IYD: variants seen among roughly 807,000 people sequenced by gnomAD.
The protein encoded by IYD is iodotyrosine deiodinase 1.
In IYD, 25 loss-of-function variants were observed where a neutral mutation model predicts 28.4. That is an observed-to-expected ratio of 0.88 (90% confidence interval 0.64 to 1.23). The LOEUF is 1.23. Among genes scored for constraint, IYD ranks in the 50% most tolerant of loss-of-function variants. IYD has a pLI of 0.00. For synonymous variants in IYD, 140 were observed against 130.8 expected, an observed-to-expected ratio of 1.07 and a Z score of -0.48; for missense variants, 352 against 357.9, an observed-to-expected ratio of 0.98 and a Z score of 0.13.
At position 150,371,033 on chromosome 6, in the gene IYD, C is replaced by G. The variant is rs9480320; in HGVS notation, c.178+1824C>G. ...GGAACCTGGAGAAATAATGAATCCA[C>G]AAAGTGGGCATTGCTAGAGAGAAGG... is the stretch of plus-strand genomic sequence containing the variant. On this transcript the variant is annotated intron_variant, in intron 1 of 4. Transcript: ENST00000344419. 2.3e-3 allele frequency among the ~76,000 whole-genome samples: 356 copies of G among 152,222 alleles called. 1 individual carries two copies. The highest frequency in any genetic ancestry group is 7.7e-3 in the African/African-American group (320 of 41,520).
intron 4 of IYD, chr6:150,395,693 C>T (rs1391960832): frequency 6.3e-6 from 5 of 798,862 alleles, no homozygotes; most frequent in Admixed American, 4.0e-5. Flanking sequence ...CCATGAAGCC[C>T]GCATCTCCAG....
intron 1 of IYD, among the ~76,000 whole-genome samples, chr6:150,379,541 T>A (rs1230259787): frequency 6.6e-6 from 1 of 152,220 alleles, no homozygotes; most frequent in Non-Finnish European, 1.5e-5. Context: ...ATAGGAGTGA[T>A]TACAGTTTGT....
In IYD at chr6:150,371,927, C is replaced by G. The variant is rs374315856; in HGVS notation, c.178+2718C>G. Among the ~76,000 whole-genome samples, 70 of 152,272 alleles carry G rather than the reference C, an allele frequency of 4.6e-4. 1 individual carries two copies. Among genetic ancestry groups the G allele is most frequent in the African/African-American group, 1.5e-3 (62 of 41,546 alleles). On this transcript the variant is annotated intron_variant, in intron 1 of 4. Transcript: ENST00000344419. ...GCTTAAACTCAGGCTTCTCAGCCCC[C>G]CAAGTCCCTGCTCTCAGTCACAGGG...
At chr6:150,379,670 G>C (rs183100158) in intron 1 of IYD, among the ~76,000 whole-genome samples, 16 of 152,296 alleles carry the variant, frequency 1.1e-4, no homozygotes, top group Admixed American at 8.5e-4. Context: ...AATCGGAGAA[G>C]ATTAAAATTC....
rs371536145 is a variant in IYD, at chr6:150,403,956, T to A, written c.*5719T>A. 1 of 151,266 alleles carries A rather than the reference T, an allele frequency of 6.6e-6. No homozygotes were observed. The highest frequency in any genetic ancestry group is 2.4e-5 in the African/African-American group (1 of 41,242). 9.4% of individuals were successfully genotyped at this position (151,266 alleles called of 1,614,324 possible). ...TTCCTTCTACTCTAATAATTAAAAA[T>A]AAAAATAATACTTGGGAGGTAACTG... On this transcript the variant is annotated 3_prime_UTR_variant, in exon 5 of 5. Transcript: ENST00000344419.
At chr6:150,370,299 G>T (rs897856637) in intron 1 of IYD, among the ~76,000 whole-genome samples, 1 of 151,758 alleles carries the variant, frequency 6.6e-6, no homozygotes, top group Non-Finnish European at 1.5e-5. Flanking sequence ...GTGTGAGTGT[G>T]TGTGCATGAG....
At chr6:150,395,011 T>A (rs115204822) in intron 4 of IYD, among the ~76,000 whole-genome samples, 2,878 of 152,286 alleles carry the variant, frequency 0.019, 98 homozygotes, top group African/African-American at 0.066. Flanking sequence ...TTTGTATAGA[T>A]GGAGTTTTGC....
At chr6:150,371,694 G>T (rs1186910166) in intron 1 of IYD, among the ~76,000 whole-genome samples, 1 of 152,156 alleles carries the variant, frequency 6.6e-6, no homozygotes, top group Non-Finnish European at 1.5e-5. Context: ...TTATACAGAG[G>T]AATGAACAGG....
rs770523357 is a variant in IYD at position 150,398,275 on chromosome 6, C to G, written c.*38C>G. On this transcript the variant is annotated 3_prime_UTR_variant, in exon 5 of 5. Transcript: ENST00000344419. The stretch of plus-strand genomic sequence containing the variant: ...AAGGGAGTGGCAGGGAGATGGCGCC[C>G]CTGCTTTTCCCTGAGCCTCTCGCCT... 36 of 1,594,012 alleles carry G rather than the reference C, an allele frequency of 2.3e-5. 1 individual carries two copies. The African/African-American group carries it at 3.4e-4, about 15-fold the overall frequency.
At chr6:150,396,409 G>A (rs966352635) in intron 4 of IYD, 40 of 647,942 alleles carry the variant, frequency 6.2e-5, no homozygotes, top group Non-Finnish European at 9.8e-5. Context: ...AATAATAGAA[G>A]TCAACTTAAC....
chr6:150,396,784 G>C (rs1259080450), intron 4 of IYD: 1 of 188,358 alleles, frequency 5.3e-6, no homozygotes, highest in Non-Finnish European at 1.1e-5. Context: ...TGAGGCAGGA[G>C]AATGGCGTGA....
intron 1 of IYD, among the ~76,000 whole-genome samples, chr6:150,378,722 A>T (rs1265445424): frequency 6.6e-6 from 1 of 152,220 alleles, no homozygotes; most frequent in African/African-American, 2.4e-5. Context: ...CCATTGTGGA[A>T]GTCAGTGTGG....
In IYD at chr6:150,402,986, G is replaced by A. The variant is rs1200068656; in HGVS notation, c.*4749G>A. ...TCTGTCACCCAGGCTAGAATGCAGT[G>A]GTGTGATTATAGCTCACTGCAGCCT... On this transcript the variant is annotated 3_prime_UTR_variant, in exon 5 of 5. Transcript: ENST00000344419. 1 of 152,066 alleles carries A rather than the reference G, an allele frequency of 6.6e-6. No homozygotes were observed. Among genetic ancestry groups the A allele is most frequent in the African/African-American group, 2.4e-5 (1 of 41,386 alleles). The allele number at this position is 152,066 out of a possible 1,614,324, so 9.4% of individuals were successfully genotyped here. A position where few individuals can be genotyped will look rare whatever the true frequency, so the allele number is the denominator to read the frequency against.
intron 1 of IYD, among the ~76,000 whole-genome samples, chr6:150,383,803 A>C (rs2143032): frequency 0.55 from 76,691 of 138,704 alleles, 21,694 homozygotes; most frequent in African/African-American, 0.6. Flanking sequence ...TAAAAAAAAA[A>C]AAAAACAAAA....
intron 1 of IYD, among the ~76,000 whole-genome samples, chr6:150,379,935 A>G (rs1228019288): frequency 6.6e-6 from 1 of 152,134 alleles, no homozygotes; most frequent in East Asian, 1.9e-4. Flanking sequence ...TTCTCTTGCT[A>G]TTGCCCCATG....
At chr6:150,395,370 T>C (rs1243146136) in intron 4 of IYD, 1 of 1,518,468 alleles carries the variant, frequency 6.6e-7, no homozygotes, top group Non-Finnish European at 8.8e-7. Flanking sequence ...CCTCCCAAAA[T>C]GTAGTCATTG....
At chr6:150,388,667 C>CTTTCTTTCTTTCTTTCTTTCTTTT (rs1554231506) in intron 1 of IYD, among the ~76,000 whole-genome samples, 14 of 135,990 alleles carry the variant, frequency 1.0e-4, no homozygotes, top group African/African-American at 3.8e-4. Flanking sequence ...TTCTTTCTTT[C>CTTTCTTTCTTTCTTTCTTTCTTTT]TTTCTTTCTT....
At chr6:150,370,004 A>C in intron 1 of IYD, 1 of 702,142 alleles carries the variant, frequency 1.4e-6, no homozygotes, top group East Asian at 2.7e-5. Context: ...GAGGTGATGA[A>C]GGAGGCAGGT....
At chr6:150,369,779 A>G (rs983889688) in intron 1 of IYD, among the ~76,000 whole-genome samples, 4 of 152,184 alleles carry the variant, frequency 2.6e-5, no homozygotes, top group Admixed American at 2.6e-4. Context: ...TTGACGGTGC[A>G]GTCAGGGAAA....
Sources: gnomAD v4.1 joint callset for allele counts (sites outside exome capture counted in the v4.1 genomes callset) on GRCh38, gnomAD v4.1.1 for gene constraint, MANE v1.5 for transcripts, NCBI Gene and HGNC (gene_info 2026-07-23, HGNC 2026-07-21) for gene names.